The following MCF2L variants were observed in gnomAD, a reference collection of about 807,000 sequenced individuals.
MCF2L encodes the protein guanine nucleotide exchange factor DBS.
In MCF2L, 97 loss-of-function variants were observed where a neutral mutation model predicts 153.4. The ratio of observed to expected loss-of-function variants is 0.63; its 90% confidence interval spans 0.54 to 0.75. The LOEUF (loss-of-function observed/expected upper bound fraction) is 0.75. Ranked by LOEUF, MCF2L falls within the 30% of genes least tolerant of loss-of-function variation. The pLI, the probability that MCF2L is intolerant of heterozygous loss-of-function variation, is 0.00. For missense variants in MCF2L, 1,347 were observed against 1,495.2 expected (o/e 0.90, Z 1.64); for synonymous variants, 659 against 632.2 (o/e 1.04, Z -0.64).
chr13:113,075,892 A>G, intron 11 of MCF2L, 74 bp from the exon 12 acceptor site: 1 of 1,225,504 alleles, frequency 8.2e-7, no homozygotes, highest in South Asian at 1.5e-5. Context: ...ACACCCCGGC[A>G]GTGTGTGCCT....
intron 26 of MCF2L, chr13:113,090,985 C>T: frequency 8.1e-7 from 1 of 1,233,008 alleles, no homozygotes; most frequent in Non-Finnish European, 1.0e-6. Context: ...CACAGAAGCT[C>T]CTTTTTCATC....
intron 3 of MCF2L, among the ~76,000 whole-genome samples, chr13:113,034,321 G>C (rs1286259562): frequency 1.3e-5 from 2 of 152,002 alleles, no homozygotes; most frequent in African/African-American, 2.4e-5. Context: ...ATTTTTTGTA[G>C]AGATGGGGTT....
chr13:113,060,984 G>T (rs1267477573), intron 5 of MCF2L, among the ~76,000 whole-genome samples: 3 of 148,834 alleles, frequency 2.0e-5, no homozygotes, highest in African/African-American at 7.4e-5. Flanking sequence ...CCATCAGGAC[G>T]CGGGTCACGC....
At position 113,027,888 on chromosome 13, in the gene MCF2L, G is replaced by A. The variant is rs2085412775; in HGVS notation, c.278+3130G>A. 6.6e-6 allele frequency among the ~76,000 whole-genome samples: 1 copy of A among 152,236 alleles called. No homozygotes were observed. Among genetic ancestry groups the A allele is most frequent in the African/African-American group, 2.4e-5 (1 of 41,460 alleles). ...AGGCTCCAGGTGTGCTGTGGCCAGA[G>A]GGGTGTCCTGGGGAGGGCGGTCATC... On this transcript the variant is annotated intron_variant, in intron 3 of 29. Transcript: ENST00000535094. The surrounding 1 kb of genome is among the most constrained non-coding windows in gnomAD (Gnocchi z 4.8).
chr13:112,912,078 C>T (rs1294644498), intron 2 of MCF2L, among the ~76,000 whole-genome samples: 1 of 152,198 alleles, frequency 6.6e-6, no homozygotes, highest in Non-Finnish European at 1.5e-5. Context: ...GCCCAAGTCC[C>T]TTGTTCTGTG....
Position 113,060,264 on chromosome 13 carries a change from G to A in MCF2L, c.370-329G>A, listed in dbSNP as rs534372065. Among the ~76,000 whole-genome samples, 20 of 152,326 alleles carry A rather than the reference G, an allele frequency of 1.3e-4. 1 individual carries two copies. The South Asian group carries it at 2.1e-3, about 16-fold the overall frequency. On this transcript the variant is annotated intron_variant, in intron 4 of 29. Coordinates refer to ENST00000535094, the MANE Select transcript of MCF2L (RefSeq NM_001112732.3). ...CGCGTCACCAGCCAAGGTCACGTTC[G>A]GAGGCACTGGGAGTTAGGCTTCGAC...
intron 1 of MCF2L, among the ~76,000 whole-genome samples, chr13:112,898,382 AC>A (rs1474730402): frequency 6.6e-6 from 1 of 152,110 alleles, no homozygotes; most frequent in African/African-American, 2.4e-5. Context: ...TTCGCTTGGA[AC>A]CTGTGTGCGG....
At chr13:113,095,323 G>A (rs113619916) in intron 27 of MCF2L, 13,559 of 1,174,554 alleles carry the variant, frequency 0.012, 109 homozygotes, top group South Asian at 0.031. Context: ...AGCCAGGCGT[G>A]GAAGGGTAGG....
At chr13:113,030,215 C>T (rs1422927576) in intron 3 of MCF2L, among the ~76,000 whole-genome samples, 2 of 151,858 alleles carry the variant, frequency 1.3e-5, no homozygotes, top group East Asian at 1.9e-4. Context: ...TGTCTGCCGA[C>T]GCCCGGTGTG....
chr13:113,018,958 C>T (rs1307617436), intron 2 of MCF2L, among the ~76,000 whole-genome samples: 1 of 152,212 alleles, frequency 6.6e-6, no homozygotes, highest in Non-Finnish European at 1.5e-5. Flanking sequence ...AGGATTGCTC[C>T]ATCCCATGTC....
intron 2 of MCF2L, among the ~76,000 whole-genome samples, chr13:112,922,155 A>G (rs1393921147): frequency 6.6e-6 from 1 of 152,228 alleles, no homozygotes; most frequent in African/African-American, 2.4e-5. Context: ...TCGACTTTGT[A>G]CAACCAAAAC....
chr13:112,933,492 G>A (rs193268962), intron 2 of MCF2L, among the ~76,000 whole-genome samples: 148 of 152,358 alleles, frequency 9.7e-4, no homozygotes, highest in Admixed American at 1.8e-3. Flanking sequence ...GGGACCGTGC[G>A]CTGATGGAGG....
intron 1 of MCF2L, among the ~76,000 whole-genome samples, chr13:112,990,130 C>A (rs989915875): frequency 1.3e-5 from 2 of 152,206 alleles, no homozygotes; most frequent in Non-Finnish European, 2.9e-5. Context: ...CGACCAGTAC[C>A]GGTCTGTGGC....
At chr13:112,901,817 T>A (rs2081122115) in intron 1 of MCF2L, among the ~76,000 whole-genome samples, 1 of 152,240 alleles carries the variant, frequency 6.6e-6, no homozygotes, top group South Asian at 2.1e-4. Context: ...ATTTTGAAAG[T>A]TTGCCAGTTC....
At chr13:113,095,158 A>T (rs2035543022) in intron 27 of MCF2L, 1 of 1,278,084 alleles carries the variant, frequency 7.8e-7, no homozygotes, top group African/African-American at 1.5e-5. Context: ...ATTCATTGTT[A>T]ATGTCAGAAG....
intron 2 of MCF2L, among the ~76,000 whole-genome samples, chr13:112,923,121 A>G (rs576787428): frequency 3.3e-5 from 5 of 152,280 alleles, no homozygotes; most frequent in Admixed American, 6.5e-5. Context: ...AGATTCCTCA[A>G]TATTATGTTT....
chr13:113,015,681 G>A (rs1225138088), intron 2 of MCF2L, among the ~76,000 whole-genome samples: 1 of 152,216 alleles, frequency 6.6e-6, no homozygotes, highest in Non-Finnish European at 1.5e-5. Flanking sequence ...TGACTGCGAG[G>A]TGCAGCTGGT....
In MCF2L at chr13:113,045,549, G is replaced by A; in HGVS notation, c.369+188G>A. ...GCTCCCAAGGCACTGGTGCCTGGGT[G>A]TGAGTTTTCCCAGATGAAGGAACTC... On this transcript the variant is annotated intron_variant, in intron 4 of 29. Transcript: ENST00000535094. The surrounding 1 kb of genome is among the most constrained non-coding windows in gnomAD (Gnocchi z 4.2). 1 of 599,514 alleles carries A rather than the reference G, an allele frequency of 1.7e-6. No individual in the cohort carries two copies. The highest frequency in any genetic ancestry group is 2.9e-5 in the Admixed American group (1 of 34,628). The allele number at this position is 599,514 out of a possible 1,614,324, so 37.1% of individuals were successfully genotyped here. A position where few individuals can be genotyped will look rare whatever the true frequency, so the allele number is the denominator to read the frequency against.
At chr13:112,982,516 G>A (rs1051993236) in intron 1 of MCF2L, among the ~76,000 whole-genome samples, 7 of 152,218 alleles carry the variant, frequency 4.6e-5, no homozygotes, top group Admixed American at 1.3e-4. Context: ...GGTGGGAGGT[G>A]CGGCAGATGG....
Sources: allele counts gnomAD v4.1 joint callset (sites outside exome capture counted in the v4.1 genomes callset), GRCh38; gene constraint gnomAD v4.1.1; non-coding constraint Gnocchi (gnomAD v3.1); transcripts MANE v1.5; gene names NCBI Gene and HGNC (gene_info 2026-07-23, HGNC 2026-07-21).